Variants in ADD2 observed in about 807,000 individuals in gnomAD.
ADD2 encodes adducin 2, also known as beta-adducin.
In ADD2, 23 loss-of-function variants were observed where a neutral mutation model predicts 83.0. The observed-to-expected ratio is 0.28, with a 90% confidence interval of 0.20 to 0.39. The LOEUF is 0.39. Among genes scored for constraint, ADD2 ranks in the 10% least tolerant of loss-of-function variants. ADD2 has a pLI of 1.00. For synonymous variants in ADD2, 375 were observed against 375.4 expected, an observed-to-expected ratio of 1.00 and a Z score of 0.01; for missense variants, 758 against 944.9, an observed-to-expected ratio of 0.80 and a Z score of 2.59.
intron 1 of ADD2, among the ~76,000 whole-genome samples, chr2:70,757,748 T>C (rs1245116466): frequency 6.6e-6 from 1 of 152,198 alleles, no homozygotes; most frequent in Non-Finnish European, 1.5e-5. Context: ...GATATTCTTA[T>C]GGAGACTCCA....
At chr2:70,683,837 A>G in intron 9 of ADD2, 70 bp from the exon 10 acceptor site, 1 of 1,504,762 alleles carries the variant, frequency 6.6e-7, no homozygotes, top group Non-Finnish European at 8.9e-7. Context: ...ATGCTCCTGT[A>G]TGTGATGAGA....
In ADD2 at chr2:70,739,275, G is replaced by GA. The variant is rs563824397; in HGVS notation, c.-153-26092dup. Among the ~76,000 whole-genome samples, 394 of 152,194 alleles carry GA rather than the reference G, an allele frequency of 2.6e-3. 2 individuals carry two copies. Among genetic ancestry groups the GA allele is most frequent in the African/African-American group, 9.1e-3 (379 of 41,520 alleles). On this transcript the variant is annotated intron_variant, in intron 1 of 15. Coordinates refer to ENST00000264436, the MANE Select transcript of ADD2 (RefSeq NM_001617.4). ...ACATACATGTGGCCAACAAGCATAT[G>GA]AAAAAAAGCTCAATATCACTGATAA...
chr2:70,683,152 T>C (rs1265509185), intron 10 of ADD2, among the ~76,000 whole-genome samples: 1 of 151,584 alleles, frequency 6.6e-6, no homozygotes, highest in Non-Finnish European at 1.5e-5. Context: ...GCCTCCTGAG[T>C]AGCTGGGACT....
chr2:70,714,658 G>C (rs1672372622), intron 1 of ADD2, among the ~76,000 whole-genome samples: 1 of 152,196 alleles, frequency 6.6e-6, no homozygotes, highest in African/African-American at 2.4e-5. Flanking sequence ...CTAGAACAGG[G>C]TCCTAGCCAC....
At chr2:70,673,274 G>GC in intron 14 of ADD2, 1 of 1,614,124 alleles carries the variant, frequency 6.2e-7, no homozygotes, top group African/African-American at 1.3e-5. Context: ...GGGCAACGCT[G>GC]AAGAACTCGC....
chr2:70,679,073 C>T (rs782286951), intron 10 of ADD2, 112 bp from the exon 11 acceptor site: 219 of 1,278,598 alleles, frequency 1.7e-4, no homozygotes, highest in Non-Finnish European at 2.3e-4. Flanking sequence ...TTCATGTAAA[C>T]CCAAATCTCC....
chr2:70,704,284 C>CCACAAAA, intron 4 of ADD2, 37 bp downstream of exon 4: 1 of 1,560,602 alleles, frequency 6.4e-7, no homozygotes, highest in Non-Finnish European at 8.7e-7. Context: ...CCCTCCCCTC[C>CCACAAAA]ACCTCTGCTC....
At chr2:70,727,482 G>A (rs529923000) in intron 1 of ADD2, among the ~76,000 whole-genome samples, 18 of 152,180 alleles carry the variant, frequency 1.2e-4, no homozygotes, top group African/African-American at 3.9e-4. Flanking sequence ...CTCTGTAGAT[G>A]AGTCAGGACA....
At chr2:70,749,603 C>T (rs1391226679) in intron 1 of ADD2, among the ~76,000 whole-genome samples, 1 of 152,068 alleles carries the variant, frequency 6.6e-6, no homozygotes, top group Non-Finnish European at 1.5e-5. Context: ...CCATTTGATA[C>T]AGTCTTGGTC....
At chr2:70,713,830 C>G (rs1385302367) in intron 1 of ADD2, among the ~76,000 whole-genome samples, 2 of 151,958 alleles carry the variant, frequency 1.3e-5, no homozygotes, top group African/African-American at 4.8e-5. Context: ...CTTCCTGAGA[C>G]CCCCAAAACA....
intron 1 of ADD2, among the ~76,000 whole-genome samples, chr2:70,750,882 C>CA (rs1553382841): frequency 6.6e-6 from 1 of 152,144 alleles, no homozygotes; most frequent in East Asian, 1.9e-4. Context: ...TAAGGGCCAA[C>CA]ACTGAGACCT....
At chr2:70,758,082 C>T (rs996512025) in intron 1 of ADD2, among the ~76,000 whole-genome samples, 4 of 152,144 alleles carry the variant, frequency 2.6e-5, no homozygotes, top group African/African-American at 9.7e-5. Flanking sequence ...GCCATTCACG[C>T]GGCAGGAACT....
rs1675593982 is a variant in ADD2 at position 70,662,923 on chromosome 2, A to G, written c.*502T>C. On this transcript the variant is annotated 3_prime_UTR_variant, in exon 16 of 16. Coordinates refer to ENST00000264436, the MANE Select transcript of ADD2 (RefSeq NM_001617.4). ...AATTTGGCTAGTCACTTTGAGCAGC[A>G]GGGCAGGGACCCAAAGTGGAAAAGA... is the stretch of plus-strand genomic sequence containing the variant. 1 of 154,982 alleles carries G rather than the reference A, an allele frequency of 6.5e-6. No homozygotes were observed. Among genetic ancestry groups the G allele is most frequent in the Non-Finnish European group, 1.4e-5 (1 of 69,890 alleles). 9.6% of individuals were successfully genotyped at this position (154,982 alleles called of 1,614,324 possible).
Position 70,722,900 on chromosome 2 carries a change from T to C in ADD2, c.-153-9716A>G, listed in dbSNP as rs374881161. On this transcript the variant is annotated intron_variant, in intron 1 of 15. Transcript: ENST00000264436. ...CCAGGGGGACATAGTACAGAGTAGG[T>C]GCTCGATCAATGCTAGTTCCCATCC... Among the ~76,000 whole-genome samples the C allele has an allele frequency of 3.9e-5, 6 of 152,318 alleles. No individual in the cohort carries two copies. In the South Asian group the frequency reaches 6.2e-4, roughly 16 times the overall value.
Position 70,663,151 on chromosome 2 carries a change from T to G in ADD2, c.*274A>C. The G allele has an allele frequency of 2.4e-6, 1 of 413,144 alleles. No individual in the cohort carries two copies. Among genetic ancestry groups the G allele is most frequent in the African/African-American group, 2.0e-5 (1 of 49,844 alleles). The allele number at this position is 413,144 out of a possible 1,614,324, so 25.6% of individuals were successfully genotyped here. A position where few individuals can be genotyped will look rare whatever the true frequency, so the allele number is the denominator to read the frequency against. ...GGCAGCCCACAACTAGGCAGTGTTG[T>G]GTAGTAGAAGGAGCACTGGACTGGA... On this transcript the variant is annotated 3_prime_UTR_variant, in exon 16 of 16. Coordinates refer to ENST00000264436, the MANE Select transcript of ADD2 (RefSeq NM_001617.4).
rs111700825 is a variant in ADD2, at chr2:70,688,113, G to A, written c.859C>T (p.Leu287=). The change falls in exon 9 of 16, where the codon CTA becomes TTA. Residue 287 remains leucine (L), a synonymous_variant. Coordinates refer to ENST00000264436, the MANE Select transcript of ADD2 (RefSeq NM_001617.4). The stretch of plus-strand genomic sequence containing the variant: ...AGAGCAACCACTCCATGGTTTCTTA[G>A]CACCAGGATCTGTAGAGAAATAAAT... The part of the protein sequence containing the change: ...CLGPTCKILV[L]RNHGVVALGD... 1 of 1,613,796 alleles carries A rather than the reference G, an allele frequency of 6.2e-7. No homozygotes were observed. The highest frequency in any genetic ancestry group is 1.3e-5 in the African/African-American group (1 of 75,030).
chr2:70,735,882 T>TTTTC lies in ADD2; in HGVS notation c.-153-22699_-153-22698insGAAA, dbSNP rs375014240. Among the ~76,000 whole-genome samples the TTTTC allele has an allele frequency of 1.4e-3, 202 of 140,698 alleles. 5 individuals carry two copies. Among genetic ancestry groups the TTTTC allele is most frequent in the Admixed American group, 4.0e-3 (57 of 14,230 alleles). The allele number at this position is 140,698 out of a possible 152,430, so 92.3% of individuals were successfully genotyped here. A position where few individuals can be genotyped will look rare whatever the true frequency, so the allele number is the denominator to read the frequency against. On this transcript the variant is annotated intron_variant, in intron 1 of 15. Transcript: ENST00000264436. ...GCTTTTTTTTTTTTTTTTTTTTTTTTAGTAAAGATGGGGTTTCACCATGTT... is the reference window on the plus strand; with the variant it reads ...GCTTTTTTTTTTTTTTTTTTTTTTTTTTTCAGTAAAGATGGGGTTTCACCATGTT...
chr2:70,739,343 C>T (rs544300465), intron 1 of ADD2, among the ~76,000 whole-genome samples: 18 of 152,296 alleles, frequency 1.2e-4, no homozygotes, highest in Admixed American at 3.3e-4. Context: ...TACCATCTCA[C>T]ACCAGGTCAG....
At chr2:70,760,225 T>C (rs968087320) in intron 1 of ADD2, among the ~76,000 whole-genome samples, 10 of 152,204 alleles carry the variant, frequency 6.6e-5, no homozygotes, top group African/African-American at 2.4e-4. Flanking sequence ...TGCGTGTTTA[T>C]AACCCTGAAC....
Sources: allele counts gnomAD v4.1 joint callset (sites outside exome capture counted in the v4.1 genomes callset), GRCh38; gene constraint gnomAD v4.1.1; transcripts MANE v1.5; gene names NCBI Gene and HGNC (gene_info 2026-07-23, HGNC 2026-07-21).